CPNE4: variants seen among roughly 807,000 people sequenced by gnomAD.
CPNE4 encodes copine 4, also known as copine-4.
Under a neutral mutation model 67.9 loss-of-function variants are expected in CPNE4, and 25 were observed. The ratio of observed to expected loss-of-function variants is 0.37; its 90% CI spans 0.27 to 0.51. The LOEUF (loss-of-function observed/expected upper bound fraction) is 0.51. CPNE4 is among the 20% of genes least tolerant of loss of function. CPNE4 has a pLI of 0.93. For synonymous variants in CPNE4, 242 were observed against 244.9 expected (o/e 0.99, Z 0.11); for missense variants, 464 against 690.8 (o/e 0.67, Z 3.68).
At chr3:131,775,685 G>A (rs934211531) in intron 2 of CPNE4, among the ~76,000 whole-genome samples, 3 of 152,136 alleles carry the variant, frequency 2.0e-5, no homozygotes, top group African/African-American at 4.8e-5. Flanking sequence ...ATGATTGTGA[G>A]GCCTTGCTAG....
intron 1 of CPNE4, among the ~76,000 whole-genome samples, chr3:131,999,600 G>T (rs2073377067): frequency 6.6e-6 from 1 of 152,054 alleles, no homozygotes; most frequent in African/African-American, 2.4e-5. Context: ...ATTGATGTCT[G>T]CAATTTGCTT....
At chr3:131,758,631 GTGAGGACA>G (rs1236873555) in intron 2 of CPNE4, among the ~76,000 whole-genome samples, 1 of 152,112 alleles carries the variant, frequency 6.6e-6, no homozygotes, top group Non-Finnish European at 1.5e-5. Flanking sequence ...ATTTTGAAAA[GTGAGGACA>G]TGAGATTTGG....
At chr3:131,892,390 AG>A (rs2088150887) in intron 2 of CPNE4, among the ~76,000 whole-genome samples, 1 of 152,142 alleles carries the variant, frequency 6.6e-6, no homozygotes, top group Non-Finnish European at 1.5e-5. Context: ...GCAAATGTTG[AG>A]GGAATTCATC....
chr3:131,845,827 G>T (rs1020172337), intron 2 of CPNE4, among the ~76,000 whole-genome samples: 1 of 152,106 alleles, frequency 6.6e-6, no homozygotes, highest in African/African-American at 2.4e-5. Flanking sequence ...TATTTAATGT[G>T]GCAGAGATTG....
intron 2 of CPNE4, among the ~76,000 whole-genome samples, chr3:131,839,470 ATATT>A (rs1249728043): frequency 6.6e-6 from 1 of 151,380 alleles, no homozygotes; most frequent in Non-Finnish European, 1.5e-5. Context: ...GCTGATTTAT[ATATT>A]TAGTTAATAG....
chr3:131,563,588 G>T (rs964732499), intron 11 of CPNE4, among the ~76,000 whole-genome samples: 1 of 151,946 alleles, frequency 6.6e-6, no homozygotes, highest in African/African-American at 2.4e-5. Flanking sequence ...ACATACACAT[G>T]CACCTGGCTA....
intron 2 of CPNE4, among the ~76,000 whole-genome samples, chr3:131,734,679 A>G (rs549207703): frequency 6.6e-6 from 1 of 152,258 alleles, no homozygotes; most frequent in East Asian, 1.9e-4. Flanking sequence ...TGAGCCCAGG[A>G]GTTCAAGACC....
intron 2 of CPNE4, among the ~76,000 whole-genome samples, chr3:131,786,148 T>C (rs1304991577): frequency 6.6e-6 from 1 of 152,146 alleles, no homozygotes; most frequent in Non-Finnish European, 1.5e-5. Context: ...TATGATCTGG[T>C]CATCAATAGC....
At chr3:132,036,295 T>C (rs550146344), upstream of CPNE4, among the ~76,000 whole-genome samples, 9 of 152,226 alleles carry the variant, frequency 5.9e-5, no homozygotes, top group African/African-American at 1.7e-4. Context: ...CATAAGTCAA[T>C]CGTTGTGACC....
In CPNE4 at chr3:131,571,223, CCTT is replaced by C. The variant is rs574938650; in HGVS notation, c.927+3845_927+3847del. 1.1e-4 allele frequency among the ~76,000 whole-genome samples: 17 copies of C among 152,156 alleles called. No individual in the cohort carries two copies. The East Asian group carries it at 2.7e-3, about 24-fold the overall frequency. Reference sequence around the variant, plus strand: ...ATCTGAGTTACTGCCTCCCCTTGGGCCTTCTTCTCCTCTGGCATTTCTTCTCTT... The same window carrying C: ...ATCTGAGTTACTGCCTCCCCTTGGGCCTTCTCCTCTGGCATTTCTTCTCTT... On this transcript the variant is annotated intron_variant, in intron 10 of 15. Transcript: ENST00000429747.
chr3:131,607,571 A>G (rs758602833), intron 7 of CPNE4, among the ~76,000 whole-genome samples: 1 of 152,154 alleles, frequency 6.6e-6, no homozygotes, highest in South Asian at 2.1e-4. Context: ...TTTTTGATAA[A>G]TGGACCCAAG....
intron 2 of CPNE4, among the ~76,000 whole-genome samples, chr3:131,827,094 G>A (rs1321166806): frequency 1.3e-5 from 2 of 152,132 alleles, no homozygotes; most frequent in South Asian, 2.1e-4. Context: ...TCAGAGACAG[G>A]TACTATTTGA....
At chr3:131,632,449 C>T (rs940012405) in intron 7 of CPNE4, among the ~76,000 whole-genome samples, 8 of 152,140 alleles carry the variant, frequency 5.3e-5, no homozygotes, top group Non-Finnish European at 1.2e-4. Context: ...AGACTTTTGC[C>T]AACACCACTC....
At chr3:131,954,406 A>G (rs927449756) in intron 1 of CPNE4, among the ~76,000 whole-genome samples, 2 of 152,246 alleles carry the variant, frequency 1.3e-5, no homozygotes, top group Non-Finnish European at 2.9e-5. Context: ...TATTGCAAAA[A>G]CTAATAAATA....
chr3:131,720,117 G>A (rs1351230), intron 3 of CPNE4, among the ~76,000 whole-genome samples: 132,924 of 152,004 alleles, frequency 0.87, 58,545 homozygotes, highest in Non-Finnish European at 0.93. Flanking sequence ...CCCCACTCAT[G>A]TTCCCAGGCC....
At chr3:131,694,100 G>A (rs1027127014) in intron 5 of CPNE4, among the ~76,000 whole-genome samples, 7 of 152,066 alleles carry the variant, frequency 4.6e-5, no homozygotes, top group East Asian at 1.9e-4. Context: ...TACAACCACC[G>A]TCTGAATTGG....
chr3:132,017,046 A>G (rs1039638428), intron 1 of CPNE4, among the ~76,000 whole-genome samples: 2 of 151,654 alleles, frequency 1.3e-5, no homozygotes, highest in Non-Finnish European at 2.9e-5. Flanking sequence ...AAGAAGAAAG[A>G]AGGAGCTGGG....
At chr3:131,902,456 C>A (rs2088589054) in intron 2 of CPNE4, among the ~76,000 whole-genome samples, 1 of 152,006 alleles carries the variant, frequency 6.6e-6, no homozygotes, top group Non-Finnish European at 1.5e-5. Context: ...GGAAAATCCT[C>A]AAGCACAAAG....
chr3:131,816,394 T>C (rs1488783157), intron 2 of CPNE4, among the ~76,000 whole-genome samples: 1 of 152,196 alleles, frequency 6.6e-6, no homozygotes. Flanking sequence ...GCCTGACTCA[T>C]TTTGAAAAGT....
Sources: gnomAD v4.1 joint callset for allele counts (sites outside exome capture counted in the v4.1 genomes callset) on GRCh38, gnomAD v4.1.1 for gene constraint, MANE v1.5 for transcripts, NCBI Gene and HGNC (gene_info 2026-07-23, HGNC 2026-07-21) for gene names.